Variants in MAP3K2 observed in about 807,000 individuals in gnomAD.
The protein encoded by MAP3K2 is mitogen-activated protein kinase kinase kinase 2.
Under a neutral mutation model 80.3 loss-of-function variants are expected in MAP3K2, and 24 were observed. The observed-to-expected ratio is 0.30, with a 90% CI of 0.22 to 0.42. MAP3K2 has a LOEUF of 0.42. Ranked by LOEUF, MAP3K2 falls within the 10% of genes least tolerant of loss-of-function variation. The pLI is 1.00. For synonymous variants in MAP3K2, 244 were observed against 253.7 expected, an observed-to-expected ratio of 0.96 and a Z score of 0.36; for missense variants, 608 against 750.1, an observed-to-expected ratio of 0.81 and a Z score of 2.21.
chr2:127,365,510 A>G (rs1362036718), intron 1 of MAP3K2, among the ~76,000 whole-genome samples: 1 of 152,208 alleles, frequency 6.6e-6, no homozygotes, highest in East Asian at 1.9e-4. Flanking sequence ...ATGGTTAGAT[A>G]GAGCTGCAGT....
intron 5 of MAP3K2, 23 bp downstream of exon 5, chr2:127,335,847 A>G (rs1001640820): frequency 1.5e-6 from 2 of 1,328,136 alleles, no homozygotes; most frequent in Non-Finnish European, 2.1e-6. Context: ...AAGATCTACT[A>G]AAGTTAAACT....
At chr2:127,331,167 G>T (rs1686249371) in intron 5 of MAP3K2, among the ~76,000 whole-genome samples, 1 of 152,142 alleles carries the variant, frequency 6.6e-6, no homozygotes, top group Non-Finnish European at 1.5e-5. Flanking sequence ...TGCAGCAGAT[G>T]TTATAGAGGA....
At chr2:127,334,282 C>T (rs2104837463) in intron 5 of MAP3K2, among the ~76,000 whole-genome samples, 1 of 152,034 alleles carries the variant, frequency 6.6e-6, no homozygotes, top group Non-Finnish European at 1.5e-5. Flanking sequence ...GATAGACCTA[C>T]TAGGCTGTAG....
At chr2:127,344,567 G>C (rs1440240387) in intron 1 of MAP3K2, among the ~76,000 whole-genome samples, 4 of 151,942 alleles carry the variant, frequency 2.6e-5, no homozygotes, top group African/African-American at 9.7e-5. Flanking sequence ...CTAACTGGAA[G>C]GCTAAAGTGG....
Position 127,307,853 on chromosome 2 carries a change from A to C in MAP3K2, c.1635-49T>G, listed in dbSNP as rs966328305. ...CATTACACAAACAACAACATGAAAG[A>C]AAGCTAGTTAGCTAGAAAATGAGAA... is the stretch of plus-strand genomic sequence containing the variant. On this transcript the variant is annotated intron_variant, in intron 16 of 16. Transcript: ENST00000682094. This position sits in a 1 kb window ranked among gnomAD's most constrained non-coding sequence, Gnocchi z 5.4. 6.3e-6 allele frequency: 8 copies of C among 1,274,086 alleles called. No homozygotes were observed. The highest frequency in any genetic ancestry group is 8.8e-6 in the Non-Finnish European group (8 of 909,594). 78.9% of individuals were successfully genotyped at this position (1,274,086 alleles called of 1,614,324 possible). A position where few individuals can be genotyped will look rare whatever the true frequency, so the allele number is the denominator to read the frequency against.
At chr2:127,387,249 T>C (rs545920348) in intron 1 of MAP3K2, among the ~76,000 whole-genome samples, 34 of 152,192 alleles carry the variant, frequency 2.2e-4, no homozygotes, top group Admixed American at 2.1e-3. Flanking sequence ...CGCGCTGACC[T>C]GGGCTTTAGG....
chr2:127,371,372 T>C (rs566104537), intron 1 of MAP3K2, among the ~76,000 whole-genome samples: 1 of 152,292 alleles, frequency 6.6e-6, no homozygotes, highest in African/African-American at 2.4e-5. Flanking sequence ...TATGCACAAG[T>C]GTCTTTGTGC....
chr2:127,320,418 C>T (rs563763465), intron 12 of MAP3K2, among the ~76,000 whole-genome samples: 1 of 151,014 alleles, frequency 6.6e-6, no homozygotes, highest in Non-Finnish European at 1.5e-5. Context: ...GAAAATAGAT[C>T]AATGGTGGGG....
intron 14 of MAP3K2, chr2:127,316,735 G>A (rs563088872): frequency 1.3e-5 from 2 of 152,148 alleles, no homozygotes; most frequent in Non-Finnish European, 2.9e-5. Context: ...ATTGGCTCCT[G>A]ATAGGATGCA....
intron 1 of MAP3K2, 138 bp from the exon 2 acceptor site, chr2:127,343,332 G>T: frequency 2.0e-6 from 1 of 499,212 alleles, no homozygotes. Flanking sequence ...CTAGGGGGAG[G>T]TGTTTTATAT....
chr2:127,375,767 T>C (rs1687141566), intron 1 of MAP3K2, among the ~76,000 whole-genome samples: 1 of 152,118 alleles, frequency 6.6e-6, no homozygotes, highest in Non-Finnish European at 1.5e-5. Flanking sequence ...CCCTGTTACT[T>C]AGACAAATAC....
chr2:127,352,637 T>C (rs1362724603), intron 1 of MAP3K2, among the ~76,000 whole-genome samples: 1 of 152,130 alleles, frequency 6.6e-6, no homozygotes, highest in Admixed American at 6.5e-5. Flanking sequence ...GGCCACATGC[T>C]TAGGATGGCA....
intron 1 of MAP3K2, among the ~76,000 whole-genome samples, chr2:127,377,761 A>T (rs1687175611): frequency 6.6e-6 from 1 of 152,238 alleles, no homozygotes; most frequent in Non-Finnish European, 1.5e-5. Context: ...CTTCAATGCC[A>T]GAAGACATGT....
intron 1 of MAP3K2, among the ~76,000 whole-genome samples, chr2:127,361,554 C>T (rs1686893266): frequency 1.3e-5 from 2 of 152,142 alleles, no homozygotes; most frequent in Admixed American, 1.3e-4. Context: ...AACATGCCTG[C>T]ACATCCTCAG....
intron 1 of MAP3K2, among the ~76,000 whole-genome samples, chr2:127,363,977 T>C (rs749603168): frequency 6.6e-6 from 1 of 152,230 alleles, no homozygotes; most frequent in Non-Finnish European, 1.5e-5. Context: ...CTTAGGTATC[T>C]TTCTATCTCC....
At chr2:127,360,341 A>C (rs1349872256) in intron 1 of MAP3K2, among the ~76,000 whole-genome samples, 1 of 151,724 alleles carries the variant, frequency 6.6e-6, no homozygotes, top group Admixed American at 6.6e-5. Flanking sequence ...AAACTAATCT[A>C]TGGTGACAGA....
At chr2:127,371,201 T>C (rs112200081) in intron 1 of MAP3K2, among the ~76,000 whole-genome samples, 30 of 152,268 alleles carry the variant, frequency 2.0e-4, no homozygotes, top group African/African-American at 7.0e-4. Flanking sequence ...TAAAACAATT[T>C]TGGAGGCCAG....
rs761598827 is a variant in MAP3K2 at position 127,326,751 on chromosome 2, G to A, written c.533C>T (p.Ala178Val). The A allele has an allele frequency of 7.8e-5, 126 of 1,606,634 alleles. No homozygotes were observed. Among genetic ancestry groups the A allele is most frequent in the Non-Finnish European group, 1.0e-4 (122 of 1,175,608 alleles). ...GATACTAGTGAATGACCCATTCCGG[G>A]CAACCTGGTGTAATTCATCTGGAAT... is the stretch of plus-strand genomic sequence containing the variant. Reference protein sequence around the residue: ...GYIPDELHQVARNGSFTSINS... With the variant: ...GYIPDELHQVVRNGSFTSINS... Residue 178 changes from alanine (A) to valine (V), a missense_variant, in exon 8 of 17, where the codon GCC (alanine) becomes GTC (valine). Ala to Val is a moderately conservative substitution (Grantham distance 64). Around this residue, in one of 4 missense-constraint regions of MAP3K2, gnomAD observed 467 missense variants for 521.9 expected, o/e 0.89. Coordinates refer to ENST00000682094, the MANE Select transcript of MAP3K2 (RefSeq NM_001371910.2).
intron 1 of MAP3K2, among the ~76,000 whole-genome samples, chr2:127,381,845 C>A (rs145619511): frequency 1.2e-3 from 188 of 151,654 alleles, no homozygotes; most frequent in Middle Eastern, 0.01. Context: ...TAAAACTAAT[C>A]GACCCTTTAA....
Sources: allele counts gnomAD v4.1 joint callset (sites outside exome capture counted in the v4.1 genomes callset), GRCh38; gene constraint gnomAD v4.1.1; regional missense constraint gnomAD v4.1.1; non-coding constraint Gnocchi (gnomAD v3.1); transcripts MANE v1.5; gene names NCBI Gene and HGNC (gene_info 2026-07-23, HGNC 2026-07-21).